PXDNL: variants seen among roughly 807,000 people sequenced by gnomAD.
PXDNL encodes peroxidasin like.
In PXDNL, 145 loss-of-function variants were observed where a neutral mutation model predicts 150.8. The ratio of observed to expected loss-of-function variants is 0.96; its 90% CI spans 0.84 to 1.10. The LOEUF (loss-of-function observed/expected upper bound fraction) is 1.10. Ranked by LOEUF, PXDNL falls within the 50% of genes least tolerant of loss-of-function variation. The pLI is 0.00. For synonymous variants in PXDNL, 757 were observed against 725.7 expected (o/e 1.04, Z -0.69); for missense variants, 2,087 against 1,873.9 (o/e 1.11, Z -2.10).
intron 1 of PXDNL, among the ~76,000 whole-genome samples, chr8:51,732,720 G>A (rs998185675): frequency 1.3e-5 from 2 of 152,216 alleles, no homozygotes; most frequent in Non-Finnish European, 1.5e-5. Context: ...CAAAGGAGAA[G>A]CAAAGACACA....
At chr8:51,595,621 G>A (rs908823077) in intron 2 of PXDNL, among the ~76,000 whole-genome samples, 33 of 152,252 alleles carry the variant, frequency 2.2e-4, no homozygotes, top group African/African-American at 7.9e-4. Context: ...AAAGGGTTGT[G>A]AACTTCATTT....
At chr8:51,375,192 G>C (rs920689921) in intron 17 of PXDNL, among the ~76,000 whole-genome samples, 6 of 150,750 alleles carry the variant, frequency 4.0e-5, no homozygotes, top group Non-Finnish European at 8.8e-5. Context: ...AATTTGCGGA[G>C]ATGATAAGAT....
At chr8:51,474,833 G>C (rs7001710) in intron 7 of PXDNL, 139 bp downstream of exon 7, 91,031 of 601,228 alleles carry the variant, frequency 0.15, 9,014 homozygotes, top group African/African-American at 0.39. Context: ...AAGGAAATTG[G>C]CCATACTTTT....
At chr8:51,321,238 A>T (rs1176372129) in intron 21 of PXDNL, 1 of 177,292 alleles carries the variant, frequency 5.6e-6, no homozygotes, top group Non-Finnish European at 1.2e-5. Flanking sequence ...AATTCAACTA[A>T]TAAGTATTTT....
At chr8:51,344,984 G>T (rs887509977) in intron 20 of PXDNL, among the ~76,000 whole-genome samples, 1 of 152,092 alleles carries the variant, frequency 6.6e-6, no homozygotes, top group African/African-American at 2.4e-5. Flanking sequence ...AGAGTACAGG[G>T]CCCATATATT....
intron 2 of PXDNL, among the ~76,000 whole-genome samples, chr8:51,593,534 A>G (rs1463579393): frequency 2.0e-5 from 3 of 152,210 alleles, no homozygotes; most frequent in Non-Finnish European, 2.9e-5. Flanking sequence ...ATTCACTTTT[A>G]GCATATTACA....
intron 1 of PXDNL, among the ~76,000 whole-genome samples, chr8:51,670,897 A>T (rs1026684173): frequency 1.4e-4 from 21 of 152,354 alleles, no homozygotes; most frequent in African/African-American, 4.8e-4. Context: ...AGTCTGTATT[A>T]GCTTAATAAT....
intron 2 of PXDNL, among the ~76,000 whole-genome samples, chr8:51,614,157 G>C (rs899507599): frequency 6.6e-6 from 1 of 152,144 alleles, no homozygotes; most frequent in Non-Finnish European, 1.5e-5. Flanking sequence ...GAATCTAAGA[G>C]CAACAGATCA....
intron 6 of PXDNL, among the ~76,000 whole-genome samples, chr8:51,477,721 CT>C (rs1810512896): frequency 6.6e-6 from 1 of 152,174 alleles, no homozygotes; most frequent in African/African-American, 2.4e-5. Flanking sequence ...TACACATCCC[CT>C]GGGAGCATCC....
At chr8:51,793,354 C>T (rs1249996700) in intron 1 of PXDNL, among the ~76,000 whole-genome samples, 1 of 152,144 alleles carries the variant, frequency 6.6e-6, no homozygotes. Flanking sequence ...AGATCAAAAC[C>T]AGATAATATC....
At chr8:51,425,720 G>A (rs539476805) in intron 13 of PXDNL, among the ~76,000 whole-genome samples, 1 of 152,120 alleles carries the variant, frequency 6.6e-6, no homozygotes, top group African/African-American at 2.4e-5. Flanking sequence ...ACTCGGAGAG[G>A]CTGAGGCAGG....
intron 17 of PXDNL, among the ~76,000 whole-genome samples, chr8:51,383,746 GA>G (rs1807615757): frequency 6.6e-6 from 1 of 152,138 alleles, no homozygotes; most frequent in Admixed American, 6.5e-5. Flanking sequence ...ACAGAGAGTT[GA>G]AAGAAAAGAT....
At chr8:51,685,279 T>G (rs1366454954) in intron 1 of PXDNL, among the ~76,000 whole-genome samples, 1 of 152,186 alleles carries the variant, frequency 6.6e-6, no homozygotes, top group Admixed American at 6.5e-5. Context: ...GCTGGGAAAT[T>G]TTGAAAGTTG....
chr8:51,669,937 T>C (rs1418953429), intron 1 of PXDNL, among the ~76,000 whole-genome samples: 1 of 152,184 alleles, frequency 6.6e-6, no homozygotes, highest in African/African-American at 2.4e-5. Context: ...AATACCATTA[T>C]GAACATTTCT....
Position 51,620,459 on chromosome 8 carries a change from C to T in PXDNL, c.237-27761G>A, listed in dbSNP as rs77454683. Reference sequence around the variant, plus strand: ...AATTTCTTGCCTATTACTGTTTTCTCAGAATTCCAGGCATTATAAAAGCCA... The same window carrying T: ...AATTTCTTGCCTATTACTGTTTTCTTAGAATTCCAGGCATTATAAAAGCCA... On this transcript the variant is annotated intron_variant, in intron 2 of 22. Transcript: ENST00000356297. Among the ~76,000 whole-genome samples the T allele has an allele frequency of 5.8e-4, 89 of 152,244 alleles. 1 individual carries two copies. The East Asian group carries it at 0.012, about 21-fold the overall frequency.
Position 51,668,176 on chromosome 8 carries a change from C to CTTTTTTTTTTTTTTTTTTT in PXDNL, c.165-13417_165-13416insAAAAAAAAAAAAAAAAAAA, listed in dbSNP as rs71550279. On this transcript the variant is annotated intron_variant, in intron 1 of 22. Transcript: ENST00000356297. Reference sequence around the variant, plus strand: ...ATACAAGGCTTCCTTCTCGCTCTCTCTTTTTTTTTTTTTTTTTGAGACAGA... The same window carrying CTTTTTTTTTTTTTTTTTTT: ...ATACAAGGCTTCCTTCTCGCTCTCTCTTTTTTTTTTTTTTTTTTTTTTTTTTTTTTTTTTTTGAGACAGA... Among the ~76,000 whole-genome samples the CTTTTTTTTTTTTTTTTTTT allele has an allele frequency of 7.2e-4, 56 of 77,382 alleles. 5 individuals carry two copies. Among genetic ancestry groups the CTTTTTTTTTTTTTTTTTTT allele is most frequent in the South Asian group, 2.3e-3 (4 of 1,768 alleles). 50.8% of individuals were successfully genotyped at this position (77,382 alleles called of 152,430 possible).
chr8:51,660,115 C>T (rs1261407148), intron 1 of PXDNL, among the ~76,000 whole-genome samples: 2 of 152,042 alleles, frequency 1.3e-5, no homozygotes, highest in Non-Finnish European at 2.9e-5. Flanking sequence ...GTCTGGAACA[C>T]CTGATCTCAG....
At chr8:51,466,973 G>A (rs996187295) in intron 8 of PXDNL, among the ~76,000 whole-genome samples, 1 of 152,114 alleles carries the variant, frequency 6.6e-6, no homozygotes, top group Non-Finnish European at 1.5e-5. Flanking sequence ...CCACTGCAGA[G>A]AGCAGTTTGA....
chr8:51,638,921 A>G (rs200618197), intron 2 of PXDNL, among the ~76,000 whole-genome samples: 2 of 152,068 alleles, frequency 1.3e-5, no homozygotes, highest in African/African-American at 2.4e-5. Context: ...CCACATCACA[A>G]TTATTCCAAA....
Sources: gnomAD v4.1 joint callset for allele counts (sites outside exome capture counted in the v4.1 genomes callset) on GRCh38, gnomAD v4.1.1 for gene constraint, MANE v1.5 for transcripts, NCBI Gene and HGNC (gene_info 2026-07-23, HGNC 2026-07-21) for gene names.